Variants in CDS2 observed in about 807,000 individuals in gnomAD.
The protein encoded by CDS2 is CDP-diacylglycerol synthase 2.
In CDS2, 47 loss-of-function variants were observed where a neutral mutation model predicts 59.0. The ratio of observed to expected loss-of-function variants is 0.80; its 90% CI spans 0.63 to 1.02. The LOEUF is 1.02. Ranked by LOEUF, CDS2 falls within the 50% of genes least tolerant of loss-of-function variation. CDS2 has a pLI of 0.00. For missense variants in CDS2, 356 were observed against 558.9 expected, an observed-to-expected ratio of 0.64 and a Z score of 3.66; for synonymous variants, 207 against 206.4, an observed-to-expected ratio of 1.00 and a Z score of -0.02.
At chr20:5,150,403 A>G (rs915483221) in intron 1 of CDS2, among the ~76,000 whole-genome samples, 2 of 152,184 alleles carry the variant, frequency 1.3e-5, no homozygotes, top group Non-Finnish European at 2.9e-5. Flanking sequence ...TCTTTGCGTT[A>G]CGATTCTGCC....
At chr20:5,189,252 TCCCTGCC>T in intron 11 of CDS2, 66 bp downstream of exon 11, 1 of 1,589,010 alleles carries the variant, frequency 6.3e-7, no homozygotes, top group Non-Finnish European at 8.6e-7. Flanking sequence ...TTCTCCCCCT[TCCCTGCC>T]CCCTCCAAAA....
intron 1 of CDS2, among the ~76,000 whole-genome samples, chr20:5,161,024 T>A (rs548337535): frequency 6.6e-6 from 1 of 152,360 alleles, no homozygotes; most frequent in East Asian, 1.9e-4. Flanking sequence ...GGTGTACAAA[T>A]ATCTCTTTGA....
chr20:5,139,749 A>G (rs2090678309), intron 1 of CDS2, among the ~76,000 whole-genome samples: 1 of 150,038 alleles, frequency 6.7e-6, no homozygotes, highest in African/African-American at 2.5e-5. Context: ...ATTTATTGAG[A>G]GTTTTTATTG....
At chr20:5,182,265 A>G (rs1170613839) in intron 5 of CDS2, 122 bp from the exon 6 acceptor site, 3 of 703,982 alleles carry the variant, frequency 4.3e-6, no homozygotes, top group African/African-American at 3.7e-5. Flanking sequence ...GGGCTTTGAC[A>G]TTGTGCACTG....
At chr20:5,160,136 G>T (rs1360173840) in intron 1 of CDS2, among the ~76,000 whole-genome samples, 1 of 152,190 alleles carries the variant, frequency 6.6e-6, no homozygotes, top group Non-Finnish European at 1.5e-5. Flanking sequence ...ATCTGTTGCT[G>T]CTGCTATTAA....
chr20:5,127,439 C>G (rs1484962791), intron 1 of CDS2, among the ~76,000 whole-genome samples: 1 of 152,144 alleles, frequency 6.6e-6, no homozygotes, highest in African/African-American at 2.4e-5. Context: ...GGGCTGGCTG[C>G]GGGGACTCCC....
chr20:5,169,310 C>T (rs1729489509), intron 1 of CDS2, among the ~76,000 whole-genome samples: 1 of 152,202 alleles, frequency 6.6e-6, no homozygotes, highest in Admixed American at 6.5e-5. Flanking sequence ...CCTCTCCCTG[C>T]TGTGCTGGTC....
chr20:5,163,114 C>T (rs954610296), intron 1 of CDS2, among the ~76,000 whole-genome samples: 1 of 152,162 alleles, frequency 6.6e-6, no homozygotes, highest in African/African-American at 2.4e-5. Flanking sequence ...GAGGCCAAAG[C>T]GTGAGGATCA....
rs113111672 is a variant in CDS2, at chr20:5,130,491, A to C, written c.57+3342A>C. 3.3e-4 allele frequency among the ~76,000 whole-genome samples: 50 copies of C among 150,944 alleles called. 2 individuals carry two copies. The South Asian group carries it at 4.2e-3, about 13-fold the overall frequency. Reference sequence around the variant, plus strand: ...CAAGTCAGTGCTTTAAAAGCTCTGGAATAGGCTGGGCGCGGTGGCTCACGC... The same window carrying C: ...CAAGTCAGTGCTTTAAAAGCTCTGGCATAGGCTGGGCGCGGTGGCTCACGC... On this transcript the variant is annotated intron_variant, in intron 1 of 12. Coordinates refer to ENST00000460006, the MANE Select transcript of CDS2 (RefSeq NM_003818.4).
At chr20:5,190,004 A>G (rs2091100758) in intron 12 of CDS2, 98 bp from the exon 13 acceptor site, 2 of 1,497,544 alleles carry the variant, frequency 1.3e-6, no homozygotes, top group African/African-American at 1.4e-5. Flanking sequence ...GTTAATAGAT[A>G]ACTCTCTGAT....
At position 5,195,742 on chromosome 20, in the gene CDS2, C is replaced by T. The variant is rs967395569; in HGVS notation, c.*5508C>T. 6.6e-6 allele frequency: 1 copy of T among 152,190 alleles called. No homozygotes were observed. The highest frequency in any genetic ancestry group is 2.4e-5 in the African/African-American group (1 of 41,448). 9.4% of individuals were successfully genotyped at this position (152,190 alleles called of 1,614,324 possible). Reference sequence around the variant, plus strand: ...AAAGCCTAGAAGTTCTGCCCACATCCTTATGACGCAGCCAATCTGGAGCTT... The same window carrying T: ...AAAGCCTAGAAGTTCTGCCCACATCTTTATGACGCAGCCAATCTGGAGCTT... On this transcript the variant is annotated 3_prime_UTR_variant, in exon 13 of 13. Coordinates refer to ENST00000460006, the MANE Select transcript of CDS2 (RefSeq NM_003818.4).
rs75808776 is a variant in CDS2, at chr20:5,184,512, T to C, written c.672-346T>C. ...GATTAGAAGTGGTTATTTTTGGGAATGGAGATAGGGATGGGAGAAAGAAGG... is the reference window on the plus strand; with the variant it reads ...GATTAGAAGTGGTTATTTTTGGGAACGGAGATAGGGATGGGAGAAAGAAGG... On this transcript the variant is annotated intron_variant, in intron 7 of 12. Coordinates refer to ENST00000460006, the MANE Select transcript of CDS2 (RefSeq NM_003818.4). This position sits in a 1 kb window ranked among gnomAD's most constrained non-coding sequence, Gnocchi z 4.3. 0.016 allele frequency among the ~76,000 whole-genome samples: 2,420 copies of C among 152,310 alleles called. 66 individuals carry two copies. The highest frequency in any genetic ancestry group is 0.054 in the African/African-American group (2,253 of 41,564).
chr20:5,185,036 T>A, intron 8 of CDS2, 91 bp downstream of exon 8: 1 of 958,096 alleles, frequency 1.0e-6, no homozygotes, highest in Non-Finnish European at 1.7e-6. Context: ...AGAAGAAATC[T>A]AGCTGTGTTG....
chr20:5,171,338 G>C (rs1298913877), intron 1 of CDS2, among the ~76,000 whole-genome samples: 1 of 152,210 alleles, frequency 6.6e-6, no homozygotes, highest in Non-Finnish European at 1.5e-5. Context: ...CTTGTGCCGG[G>C]CTTTCTGTGT....
intron 4 of CDS2, among the ~76,000 whole-genome samples, chr20:5,177,926 C>T (rs1179480337): frequency 6.6e-6 from 1 of 152,156 alleles, no homozygotes; most frequent in African/African-American, 2.4e-5. Flanking sequence ...GCTGTGGTCA[C>T]TTTACAAAGA....
chr20:5,181,989 T>C (rs912125261), intron 5 of CDS2, among the ~76,000 whole-genome samples: 1 of 152,220 alleles, frequency 6.6e-6, no homozygotes, highest in African/African-American at 2.4e-5. Context: ...TCAGTTCTGC[T>C]GAGTTGTAGC....
At chr20:5,147,999 G>T (rs768431704) in intron 1 of CDS2, among the ~76,000 whole-genome samples, 9 of 151,992 alleles carry the variant, frequency 5.9e-5, no homozygotes, top group Admixed American at 6.6e-5. Flanking sequence ...CACTCTGTCG[G>T]CCAGGCTGGA....
At chr20:5,189,257 G>GC in intron 11 of CDS2, 71 bp downstream of exon 11, 1 of 1,579,982 alleles carries the variant, frequency 6.3e-7, no homozygotes, top group Non-Finnish European at 8.7e-7. Context: ...CCCCTTCCCT[G>GC]CCCCCTCCAA....
At chr20:5,178,106 G>A (rs1378492662) in intron 4 of CDS2, among the ~76,000 whole-genome samples, 1 of 152,230 alleles carries the variant, frequency 6.6e-6, no homozygotes, top group Non-Finnish European at 1.5e-5. Context: ...GTACTGTGGA[G>A]GCTGCAAGGG....
Sources: allele counts gnomAD v4.1 joint callset (sites outside exome capture counted in the v4.1 genomes callset), GRCh38; gene constraint gnomAD v4.1.1; non-coding constraint Gnocchi (gnomAD v3.1); transcripts MANE v1.5; gene names NCBI Gene and HGNC (gene_info 2026-07-23, HGNC 2026-07-21).